The following CD22 variants were observed in gnomAD, a reference collection of about 807,000 sequenced individuals.
CD22 encodes CD22 molecule.
Under a neutral mutation model 94.7 loss-of-function variants are expected in CD22, and 51 were observed. The observed-to-expected ratio is 0.54, with a 90% CI of 0.43 to 0.68. The LOEUF is 0.68. CD22 is among the 30% of genes least tolerant of loss of function. The pLI, the probability that CD22 is intolerant of heterozygous loss-of-function variation, is 0.00. For missense variants in CD22, 931 were observed against 1,060.4 expected, an observed-to-expected ratio of 0.88 and a Z score of 1.69; for synonymous variants, 424 against 422.5, an observed-to-expected ratio of 1.00 and a Z score of -0.04.
chr19:35,334,074 G>A (rs115429854), intron 3 of CD22, among the ~76,000 whole-genome samples: 1,890 of 152,290 alleles, frequency 0.012, 30 homozygotes, highest in African/African-American at 0.044. Context: ...AAAGCAAGGG[G>A]ACAGAAGAGA....
chr19:35,338,678 G>T (rs1342677824), intron 6 of CD22, among the ~76,000 whole-genome samples: 2 of 151,924 alleles, frequency 1.3e-5, no homozygotes. Flanking sequence ...TCCCAGGCTG[G>T]AGTGCAGTGG....
Position 35,336,000 on chromosome 19 carries a change from C to G in CD22, c.413-36C>G, listed in dbSNP as rs149699063. Reference sequence around the variant, plus strand: ...CCAGGTGTACGCTCACGTCCTCAGTCCCCCAGGCTCCTGCACGGGCTCTGT... The same window carrying G: ...CCAGGTGTACGCTCACGTCCTCAGTGCCCCAGGCTCCTGCACGGGCTCTGT... On this transcript the variant is annotated intron_variant, in intron 3 of 13. Coordinates refer to ENST00000085219, the MANE Select transcript of CD22 (RefSeq NM_001771.4). 9.5e-4 allele frequency: 1,508 copies of G among 1,579,864 alleles called. 6 individuals carry two copies. The highest frequency in any genetic ancestry group is 5.6e-3 in the African/African-American group (418 of 74,088).
chr19:35,345,503 T>C (rs751652517), intron 11 of CD22, 99 bp from the exon 12 acceptor site: 3 of 666,246 alleles, frequency 4.5e-6, no homozygotes, highest in African/African-American at 3.9e-5. Flanking sequence ...AGGAAGGGGA[T>C]AAAATGTCCT....
Position 35,346,883 on chromosome 19 carries a change from T to G in CD22, c.*186T>G, listed in dbSNP as rs1480762746. 3.2e-6 allele frequency: 2 copies of G among 621,904 alleles called. No homozygotes were observed. The highest frequency in any genetic ancestry group is 3.8e-5 in the African/African-American group (2 of 53,244). The allele number at this position is 621,904 out of a possible 1,614,324, so 38.5% of individuals were successfully genotyped here. A position where few individuals can be genotyped will look rare whatever the true frequency, so the allele number is the denominator to read the frequency against. On this transcript the variant is annotated 3_prime_UTR_variant, in exon 14 of 14. Coordinates refer to ENST00000085219, the MANE Select transcript of CD22 (RefSeq NM_001771.4). ...CCTGGCTCAGAGCCAGTCTTTTTGG[T>G]GAGGGTAACCCCAAACCTCCAAAAC...
intron 9 of CD22, among the ~76,000 whole-genome samples, chr19:35,342,508 AG>A (rs1425429373): frequency 6.6e-6 from 1 of 151,926 alleles, no homozygotes; most frequent in Non-Finnish European, 1.5e-5. Flanking sequence ...TGTCTCCTCC[AG>A]TGACTTCCCG....
chr19:35,337,676 C>A lies in CD22; in HGVS notation c.719-79C>A. 7.7e-7 allele frequency: 1 copy of A among 1,306,786 alleles called. No homozygotes were observed. The highest frequency in any genetic ancestry group is 1.4e-5 in the South Asian group (1 of 69,708). 80.9% of individuals were successfully genotyped at this position (1,306,786 alleles called of 1,614,324 possible). The stretch of plus-strand genomic sequence containing the variant: ...AGGGACTGGCAGGCCATGGCTTTGT[C>A]AGAATAAAAGCACTTTCCACACCCT... On this transcript the variant is annotated intron_variant, in intron 4 of 13. Transcript: ENST00000085219. The surrounding 1 kb of genome is among the most constrained non-coding windows in gnomAD (Gnocchi z 4.4).
chr19:35,345,426 A>C (rs28534589), intron 11 of CD22, 176 bp from the exon 12 acceptor site: 9,526 of 437,512 alleles, frequency 0.022, 4 homozygotes, highest in East Asian at 0.038. Context: ...GCCTCAAAAA[A>C]AAAAAAAAAA....
rs2066727843 is a variant in CD22 at position 35,336,583 on chromosome 19, T to G, written c.718+242T>G. On this transcript the variant is annotated intron_variant, in intron 4 of 13. Coordinates refer to ENST00000085219, the MANE Select transcript of CD22 (RefSeq NM_001771.4). ...TGGGGATTATCTGGTTAGGTCTTTT[T>G]GTTCCCCTCTTGGTGGGGATTTTTT... 7 of 527,502 alleles carry G rather than the reference T, an allele frequency of 1.3e-5. No individual in the cohort carries two copies. In the South Asian group the frequency reaches 1.8e-4, roughly 14 times the overall value. The allele number at this position is 527,502 out of a possible 1,614,324, so 32.7% of individuals were successfully genotyped here.
rs535846678 is a variant in CD22, at chr19:35,337,049, C to T, written c.719-706C>T. On this transcript the variant is annotated intron_variant, in intron 4 of 13. Coordinates refer to ENST00000085219, the MANE Select transcript of CD22 (RefSeq NM_001771.4). The surrounding 1 kb of genome is among the most constrained non-coding windows in gnomAD (Gnocchi z 4.4). Reference sequence around the variant, plus strand: ...GGTCAGGAGATCGAGACCATCCTGGCTAACATGGTGAAACCCCATCTCTAG... The same window carrying T: ...GGTCAGGAGATCGAGACCATCCTGGTTAACATGGTGAAACCCCATCTCTAG... 7.2e-5 allele frequency among the ~76,000 whole-genome samples: 11 copies of T among 152,112 alleles called. No individual in the cohort carries two copies. Among genetic ancestry groups the T allele is most frequent in the Admixed American group, 6.6e-4 (10 of 15,264 alleles).
chr19:35,341,480 C>A lies in CD22; in HGVS notation c.1645C>A (p.Leu549Ile), dbSNP rs771505273. 6.2e-7 allele frequency: 1 copy of A among 1,613,878 alleles called. No homozygotes were observed. Among genetic ancestry groups the A allele is most frequent in the Non-Finnish European group, 8.5e-7 (1 of 1,180,006 alleles). ...VQFFWEKNGR[L>I]LGKESQLNFD... Reference sequence around the variant, plus strand: ...GTTCTTCTGGGAGAAAAATGGCAGGCTTCTGGGGAAAGAAAGCCAGCTGAA... The same window carrying A: ...GTTCTTCTGGGAGAAAAATGGCAGGATTCTGGGGAAAGAAAGCCAGCTGAA... The change falls in exon 8 of 14, where the codon CTT becomes ATT. Residue 549 changes from leucine to isoleucine, a missense_variant. By Grantham distance (5) the Leu-to-Ile change is conservative (BLOSUM62 2). Transcript: ENST00000085219. This position sits in a 1 kb window ranked among gnomAD's most constrained non-coding sequence, Gnocchi z 4.0.
intron 1 of CD22, 97 bp downstream of exon 1, chr19:35,329,327 T>C (rs2145640136): frequency 1.4e-6 from 1 of 725,592 alleles, no homozygotes; most frequent in Non-Finnish European, 2.1e-6. Context: ...GGGAACACAG[T>C]GGGGACCTCC....
intron 3 of CD22, among the ~76,000 whole-genome samples, chr19:35,335,233 G>A (rs961046421): frequency 1.1e-4 from 17 of 148,914 alleles, no homozygotes; most frequent in Non-Finnish European, 2.0e-4. Flanking sequence ...AGGGGATTTC[G>A]GGTGAGCAAA....
At position 35,332,516 on chromosome 19, in the gene CD22, C is replaced by T. The variant is rs1488918899; in HGVS notation, c.35-31C>T. The T allele has an allele frequency of 1.9e-6, 3 of 1,556,132 alleles. No homozygotes were observed. The African/African-American group carries it at 4.1e-5, about 22-fold the overall frequency. ...TTTTAAAAGAAGGCTCTCATGCCCC[C>T]TTAGTAATGCTTTCTGATCACTGTG... On this transcript the variant is annotated intron_variant, in intron 2 of 13. Transcript: ENST00000085219.
In CD22 at chr19:35,338,422, G is replaced by T; in HGVS notation, c.1240G>T (p.Asp414Tyr). 6.2e-7 allele frequency: 1 copy of T among 1,612,672 alleles called. No homozygotes were observed. Among genetic ancestry groups the T allele is most frequent in the African/African-American group, 1.3e-5 (1 of 75,036 alleles). Reference protein sequence around the residue: ...TGQRGPGAELDVQYPPKKVTT... With the variant: ...TGQRGPGAELYVQYPPKKVTT... The stretch of plus-strand genomic sequence containing the variant: ...ACAGAGGGGCCCGGGAGCTGAGCTG[G>T]ATGTCCAGTGTGAGTAGCCACGGAG... Residue 414 changes from aspartate to tyrosine, a missense_variant, in exon 6 of 14, where the codon GAT becomes TAT. Asp to Tyr is a radical substitution (Grantham distance 160). Coordinates refer to ENST00000085219, the MANE Select transcript of CD22 (RefSeq NM_001771.4).
chr19:35,338,239 T>C lies in CD22; in HGVS notation c.1057T>C (p.Cys353Arg). 1.2e-6 allele frequency: 2 copies of C among 1,614,196 alleles called. No homozygotes were observed. Among genetic ancestry groups the C allele is most frequent in the Non-Finnish European group, 1.7e-6 (2 of 1,180,036 alleles). Residue 353 changes from cysteine (C) to arginine (R), a missense_variant, in exon 6 of 14, where the codon TGC becomes CGC. Transcript: ENST00000085219. ...AVEGSQVEFL[C>R]MSLANPLPTN... ...GGAGGGAAGTCAAGTCGAGTTTCTT[T>C]GCATGTCACTGGCCAATCCTCTTCC... is the stretch of plus-strand genomic sequence containing the variant.
rs553841282 is a variant in CD22, at chr19:35,336,155, C to G, written c.532C>G (p.Leu178Val). 1.2e-6 allele frequency: 2 copies of G among 1,614,116 alleles called. No homozygotes were observed. The highest frequency in any genetic ancestry group is 3.3e-5 in the Admixed American group (2 of 60,020). The change falls in exon 4 of 14, where the codon CTA becomes GTA. Residue 178 changes from leucine to valine, a missense_variant. Physicochemically the swap from Leu to Val is conservative, Grantham distance 32. Coordinates refer to ENST00000085219, the MANE Select transcript of CD22 (RefSeq NM_001771.4). ...GTATCCGATCCAATTGCAGTGGCTC[C>G]TAGAGGGGGTTCCAATGAGGCAGGC... ...YGYPIQLQWL[L>V]EGVPMRQAAV...
Position 35,332,902 on chromosome 19 carries a change from A to G in CD22, c.390A>G (p.Glu130=). ...AGTCCAAGACTGAGAAATGGATGGA[A>G]CGAATACACCTCAATGTCTCTGGTA... ...RMESKTEKWM[E]RIHLNVSERP... is the part of the protein sequence containing the mutation. Residue 130 remains glutamate (E), a synonymous_variant, in exon 3 of 14, where the codon GAA becomes GAG. Coordinates refer to ENST00000085219, the MANE Select transcript of CD22 (RefSeq NM_001771.4). 1 of 1,614,094 alleles carries G rather than the reference A, an allele frequency of 6.2e-7. No individual in the cohort carries two copies. Among genetic ancestry groups the G allele is most frequent in the Non-Finnish European group, 8.5e-7 (1 of 1,179,994 alleles).
At chr19:35,340,089 T>A (rs116048228) in intron 6 of CD22, among the ~76,000 whole-genome samples, 1 of 152,256 alleles carries the variant, frequency 6.6e-6, no homozygotes, top group African/African-American at 2.4e-5. Context: ...TGAGATGTCA[T>A]ATGTGCTAAC....
chr19:35,333,088 C>T (rs956544406), intron 3 of CD22, 164 bp downstream of exon 3: 9 of 652,364 alleles, frequency 1.4e-5, no homozygotes, highest in Admixed American at 6.1e-5. Flanking sequence ...GACAGAGCTG[C>T]GGGACCTCGG....
Sources: gnomAD v4.1 joint callset for allele counts (sites outside exome capture counted in the v4.1 genomes callset) on GRCh38, gnomAD v4.1.1 for gene constraint, Gnocchi (gnomAD v3.1) non-coding constraint, MANE v1.5 for transcripts, NCBI Gene and HGNC (gene_info 2026-07-23, HGNC 2026-07-21) for gene names.